The following TMEM132D variants were observed in gnomAD, a reference collection of about 807,000 sequenced individuals.
TMEM132D encodes the protein mature OL transmembrane protein.
TMEM132D carries 21 observed loss-of-function variants against 62.3 expected under a neutral mutation model. The ratio of observed to expected loss-of-function variants is 0.34; its 90% confidence interval spans 0.24 to 0.49. The LOEUF (loss-of-function observed/expected upper bound fraction) is 0.49, where lower values mean the gene tolerates loss of function less well. TMEM132D is among the 20% of genes least tolerant of loss of function. TMEM132D has a pLI of 0.99. For synonymous variants in TMEM132D, 621 were observed against 575.6 expected, an observed-to-expected ratio of 1.08 and a Z score of -1.13; for missense variants, 1,346 against 1,402.8, an observed-to-expected ratio of 0.96 and a Z score of 0.65.
intron 5 of TMEM132D, among the ~76,000 whole-genome samples, chr12:129,195,862 C>T (rs1363375098): frequency 6.6e-6 from 1 of 152,178 alleles, no homozygotes; most frequent in Non-Finnish European, 1.5e-5. Flanking sequence ...TGCAGTGGCT[C>T]ACAGCTGTAA....
intron 3 of TMEM132D, among the ~76,000 whole-genome samples, chr12:129,426,146 G>T (rs1160761073): frequency 1.3e-5 from 2 of 152,294 alleles, no homozygotes; most frequent in African/African-American, 4.8e-5. Context: ...CGAAGGGTCT[G>T]CATGGCAGCT....
chr12:129,308,675 C>T (rs1367529154), intron 4 of TMEM132D, among the ~76,000 whole-genome samples: 4 of 152,080 alleles, frequency 2.6e-5, no homozygotes, highest in Non-Finnish European at 5.9e-5. Context: ...TAAATGAATA[C>T]TAAAACACAA....
intron 1 of TMEM132D, among the ~76,000 whole-genome samples, chr12:129,813,556 G>T (rs577084923): frequency 2.0e-5 from 3 of 149,592 alleles, no homozygotes; most frequent in African/African-American, 7.3e-5. Context: ...CACAATAGGC[G>T]AAATATGGAA....
chr12:129,326,408 A>G (rs1442478867), intron 4 of TMEM132D, among the ~76,000 whole-genome samples: 1 of 152,204 alleles, frequency 6.6e-6, no homozygotes, highest in African/African-American at 2.4e-5. Context: ...TCATTTTTGT[A>G]TGTCCTGCAG....
At chr12:129,647,243 G>GTTTTTTTTTTTTTTTTTTTTTTTTTTT (rs57450911) in intron 2 of TMEM132D, among the ~76,000 whole-genome samples, 2 of 117,594 alleles carry the variant, frequency 1.7e-5, no homozygotes, top group Non-Finnish European at 3.4e-5. Context: ...TTGTTTTTCT[G>GTTTTTTTTTTTTTTTTTTTTTTTTTTT]TTTTTTTTTT....
chr12:129,859,864 C>T (rs980520183), intron 1 of TMEM132D, among the ~76,000 whole-genome samples: 4 of 152,084 alleles, frequency 2.6e-5, no homozygotes, highest in South Asian at 2.1e-4. Flanking sequence ...GTGATCAGAC[C>T]GAGCCACTAC....
intron 2 of TMEM132D, among the ~76,000 whole-genome samples, chr12:129,605,121 A>G (rs905667216): frequency 2.0e-5 from 3 of 152,068 alleles, no homozygotes; most frequent in Non-Finnish European, 4.4e-5. Flanking sequence ...TCATTTTTAA[A>G]TGTTCTCATC....
intron 3 of TMEM132D, among the ~76,000 whole-genome samples, chr12:129,509,728 C>G (rs970587292): frequency 6.6e-6 from 1 of 152,122 alleles, no homozygotes; most frequent in African/African-American, 2.4e-5. Flanking sequence ...CAATGTTTGT[C>G]TTTCTGTGCC....
At chr12:129,685,694 C>T (rs1196165708) in intron 2 of TMEM132D, among the ~76,000 whole-genome samples, 2 of 152,128 alleles carry the variant, frequency 1.3e-5, no homozygotes, top group Admixed American at 6.6e-5. Context: ...AGAAGACCAC[C>T]AACAGCTTCT....
At chr12:129,418,759 G>A (rs1872208685) in intron 3 of TMEM132D, among the ~76,000 whole-genome samples, 1 of 152,000 alleles carries the variant, frequency 6.6e-6, no homozygotes, top group Admixed American at 6.6e-5. Context: ...AAGAAAAGTG[G>A]GGCCTCTACA....
chr12:129,492,550 G>A (rs1468609187), intron 3 of TMEM132D, among the ~76,000 whole-genome samples: 2 of 152,186 alleles, frequency 1.3e-5, no homozygotes, highest in Non-Finnish European at 2.9e-5. Context: ...CCCAAGTGGA[G>A]TAATAACATC....
chr12:129,684,612 A>G (rs1880862452), intron 2 of TMEM132D, among the ~76,000 whole-genome samples: 1 of 152,038 alleles, frequency 6.6e-6, no homozygotes, highest in Non-Finnish European at 1.5e-5. Context: ...TGGGTAACAG[A>G]TAGAGATTGG....
At chr12:129,589,719 T>A (rs1173847728) in intron 2 of TMEM132D, among the ~76,000 whole-genome samples, 2 of 152,144 alleles carry the variant, frequency 1.3e-5, no homozygotes. Context: ...TCATGGGTGG[T>A]TGAGCAAATC....
At chr12:129,767,737 TCAATGGATA>T in intron 1 of TMEM132D, among the ~76,000 whole-genome samples, 1 of 152,256 alleles carries the variant, frequency 6.6e-6, no homozygotes. Flanking sequence ...CATTCATCCA[TCAATGGATA>T]CTTGAGTTGC....
At chr12:129,694,517 T>C (rs1881148271) in intron 2 of TMEM132D, among the ~76,000 whole-genome samples, 9 of 152,240 alleles carry the variant, frequency 5.9e-5, no homozygotes, top group Admixed American at 5.2e-4. Context: ...GCAGACAAGA[T>C]TGAAAACCTA....
At chr12:129,380,261 C>T (rs562296105) in intron 3 of TMEM132D, among the ~76,000 whole-genome samples, 1 of 152,230 alleles carries the variant, frequency 6.6e-6, no homozygotes, top group South Asian at 2.1e-4. Context: ...ATTCACTTAG[C>T]AGGCAAACGT....
chr12:129,847,310 G>T (rs1417057702), intron 1 of TMEM132D, among the ~76,000 whole-genome samples: 2 of 152,074 alleles, frequency 1.3e-5, no homozygotes, highest in East Asian at 1.9e-4. Context: ...CAGCCTCTTT[G>T]CTGGCACTTT....
At chr12:129,848,749 A>G (rs1873442521) in intron 1 of TMEM132D, among the ~76,000 whole-genome samples, 1 of 152,122 alleles carries the variant, frequency 6.6e-6, no homozygotes, top group Non-Finnish European at 1.5e-5. Flanking sequence ...ATTTCTCCCA[A>G]AGATTGATTC....
intron 2 of TMEM132D, among the ~76,000 whole-genome samples, chr12:129,621,251 T>C (rs976019319): frequency 2.0e-5 from 3 of 152,166 alleles, no homozygotes; most frequent in African/African-American, 7.2e-5. Flanking sequence ...CCCTTCCTGA[T>C]TGTCCCTCTC....
Sources: allele counts gnomAD v4.1 joint callset (sites outside exome capture counted in the v4.1 genomes callset), GRCh38; gene constraint gnomAD v4.1.1; transcripts MANE v1.5; gene names NCBI Gene and HGNC (gene_info 2026-07-23, HGNC 2026-07-21).